The following KAZN variants were observed in gnomAD, a reference collection of about 807,000 sequenced individuals.
KAZN encodes the protein kazrin.
A neutral mutation model predicts 87.4 loss-of-function variants in KAZN; 40 were observed. The ratio of observed to expected loss-of-function variants is 0.46; its 90% CI spans 0.36 to 0.60. The LOEUF (loss-of-function observed/expected upper bound fraction) is 0.60, where lower values mean the gene tolerates loss of function less well. Among genes scored for constraint, KAZN ranks in the 20% least tolerant of loss-of-function variants. The pLI is 0.00. For missense variants in KAZN, 898 were observed against 1,073.9 expected (o/e 0.84, Z 2.29); for synonymous variants, 466 against 458.3 (o/e 1.02, Z -0.22).
At chr1:14,695,064 G>A (rs1009016073) in intron 1 of KAZN, among the ~76,000 whole-genome samples, 28 of 152,140 alleles carry the variant, frequency 1.8e-4, no homozygotes, top group Non-Finnish European at 4.0e-4. Context: ...AAGCTTAATT[G>A]GATCTCTGTC....
intron 1 of KAZN, among the ~76,000 whole-genome samples, chr1:14,916,425 G>A (rs1178501995): frequency 6.6e-6 from 1 of 152,086 alleles, no homozygotes; most frequent in Non-Finnish European, 1.5e-5. Flanking sequence ...TGATCCACCT[G>A]CCTTGGCCTC....
intron 2 of KAZN, among the ~76,000 whole-genome samples, chr1:14,585,430 G>A (rs1230993928): frequency 6.6e-6 from 1 of 152,204 alleles, no homozygotes; most frequent in Non-Finnish European, 1.5e-5. Flanking sequence ...CCTCAGGCCA[G>A]GTTCAGGTTT....
chr1:14,918,924 A>G (rs767989177), intron 1 of KAZN, among the ~76,000 whole-genome samples: 108 of 151,890 alleles, frequency 7.1e-4, no homozygotes, highest in Non-Finnish European at 1.3e-3. Context: ...CCTGACCCAT[A>G]GAAACTATGA....
chr1:14,044,948 TAGCC>T, intron 1 of KAZN, among the ~76,000 whole-genome samples: 1 of 152,124 alleles, frequency 6.6e-6, no homozygotes, highest in South Asian at 2.1e-4. Context: ...GGAAAACCAG[TAGCC>T]ATATAAAAAC....
At chr1:14,658,805 C>A (rs891437221) in intron 1 of KAZN, among the ~76,000 whole-genome samples, 1 of 152,196 alleles carries the variant, frequency 6.6e-6, no homozygotes, top group Non-Finnish European at 1.5e-5. Context: ...AGTGTCTTCA[C>A]TACCAGGTTT....
At chr1:13,927,719 A>C (rs1640339480) in intron 1 of KAZN, among the ~76,000 whole-genome samples, 1 of 152,098 alleles carries the variant, frequency 6.6e-6, no homozygotes. Context: ...TCTTAGTGGG[A>C]ATCCAAAAGC....
intron 1 of KAZN, among the ~76,000 whole-genome samples, chr1:14,776,022 T>C (rs1200617550): frequency 6.6e-6 from 1 of 152,204 alleles, no homozygotes; most frequent in African/African-American, 2.4e-5. Flanking sequence ...TTTATTTTAT[T>C]TTTCTGAGAC....
chr1:14,436,734 A>AAAAACAAAAAC (rs1553172284), intron 2 of KAZN, among the ~76,000 whole-genome samples: 1,964 of 137,310 alleles, frequency 0.014, 84 homozygotes, highest in African/African-American at 0.045. Context: ...AAAAAAAAAA[A>AAAAACAAAAAC]AAAACCTTAA....
At chr1:14,945,790 C>A in intron 1 of KAZN, 2 of 774,312 alleles carry the variant, frequency 2.6e-6, no homozygotes, top group Non-Finnish European at 3.1e-6. Context: ...CACTTTCAAG[C>A]TCCACGGCCT....
chr1:14,535,723 T>C (rs192800320), intron 2 of KAZN, among the ~76,000 whole-genome samples: 7 of 152,116 alleles, frequency 4.6e-5, no homozygotes. Context: ...GGACTGCAGC[T>C]TGCATGCCAC....
chr1:13,997,061 A>C (rs1209340116), intron 1 of KAZN, among the ~76,000 whole-genome samples: 1 of 152,172 alleles, frequency 6.6e-6, no homozygotes, highest in Non-Finnish European at 1.5e-5. Context: ...GCTTGGGAGC[A>C]AACCAGATGA....
intron 2 of KAZN, among the ~76,000 whole-genome samples, chr1:14,337,920 C>T (rs1229599103): frequency 6.6e-6 from 1 of 151,328 alleles, no homozygotes; most frequent in African/African-American, 2.4e-5. Flanking sequence ...AAAGAGCCTC[C>T]TCTGTTTGAG....
At chr1:14,884,120 G>A (rs1028247643) in intron 1 of KAZN, among the ~76,000 whole-genome samples, 12 of 152,138 alleles carry the variant, frequency 7.9e-5, no homozygotes, top group Middle Eastern at 3.2e-3. Context: ...CAGGCCGGGC[G>A]CGGGGGCTCA....
At chr1:15,101,246 C>T (rs1004142765) in intron 10 of KAZN, among the ~76,000 whole-genome samples, 1 of 151,324 alleles carries the variant, frequency 6.6e-6, no homozygotes, top group African/African-American at 2.4e-5. Context: ...GTGTCTCTCT[C>T]TCTCCTTCTC....
chr1:14,930,036 G>T, intron 1 of KAZN: 1 of 985,556 alleles, frequency 1.0e-6, no homozygotes, highest in Non-Finnish European at 1.2e-6. Flanking sequence ...AACCAGAAGA[G>T]TGTGACAGGT....
At chr1:14,790,181 CT>C (rs1285190077) in intron 1 of KAZN, among the ~76,000 whole-genome samples, 20 of 147,362 alleles carry the variant, frequency 1.4e-4, no homozygotes, top group Admixed American at 2.0e-4. Flanking sequence ...TTGTTTTTTT[CT>C]TTTTTTTTTA....
intron 2 of KAZN, among the ~76,000 whole-genome samples, chr1:14,519,281 G>A (rs1671457308): frequency 6.6e-6 from 1 of 152,208 alleles, no homozygotes; most frequent in Non-Finnish European, 1.5e-5. Flanking sequence ...CAGTTTTGTA[G>A]TTTGCAAAGA....
At chr1:14,496,151 A>G (rs2148418095) in intron 2 of KAZN, among the ~76,000 whole-genome samples, 1 of 152,340 alleles carries the variant, frequency 6.6e-6, no homozygotes. Context: ...TTTTGAATAA[A>G]TTAGGCTTTA....
chr1:14,419,366 CATCT>C (rs1665154061), intron 2 of KAZN, among the ~76,000 whole-genome samples: 2 of 152,298 alleles, frequency 1.3e-5, no homozygotes, highest in South Asian at 4.1e-4. Flanking sequence ...CGGCCATCCC[CATCT>C]ATCTCATTGC....
Sources: gnomAD v4.1 joint callset for allele counts (sites outside exome capture counted in the v4.1 genomes callset) on GRCh38, gnomAD v4.1.1 for gene constraint, MANE v1.5 for transcripts, NCBI Gene and HGNC (gene_info 2026-07-23, HGNC 2026-07-21) for gene names.